ROBO1: variants seen among roughly 807,000 people sequenced by gnomAD.
The protein encoded by ROBO1 is roundabout guidance receptor 1, also known as roundabout homolog 1.
ROBO1 carries 149 observed loss-of-function variants against 195.9 expected under a neutral mutation model. The observed-to-expected ratio is 0.76, with a 90% CI of 0.67 to 0.87. ROBO1 has a LOEUF of 0.87. Among genes scored for constraint, ROBO1 ranks in the 40% least tolerant of loss-of-function variants. ROBO1 has a pLI of 0.00. For synonymous variants in ROBO1, 816 were observed against 733.2 expected (o/e 1.11, Z -1.82); for missense variants, 1,933 against 2,068.3 (o/e 0.93, Z 1.27).
intron 3 of ROBO1, among the ~76,000 whole-genome samples, chr3:78,981,982 T>TGCCACATCCA (rs1300485045): frequency 6.6e-6 from 1 of 152,106 alleles, no homozygotes; most frequent in Non-Finnish European, 1.5e-5. Flanking sequence ...TAAAAGTTGT[T>TGCCACATCCA]GCCACATCCA....
At chr3:78,723,374 C>T (rs921823607) in intron 5 of ROBO1, among the ~76,000 whole-genome samples, 3 of 152,016 alleles carry the variant, frequency 2.0e-5, no homozygotes, top group Admixed American at 1.3e-4. Context: ...CTATCATGGT[C>T]GCACACAATA....
intron 2 of ROBO1, among the ~76,000 whole-genome samples, chr3:79,375,481 TC>T (rs1431741564): frequency 6.6e-6 from 1 of 152,176 alleles, no homozygotes; most frequent in East Asian, 1.9e-4. Flanking sequence ...AAGGAAAATA[TC>T]TGTGTGTTAA....
chr3:78,678,002 A>T (rs1332389655), intron 10 of ROBO1, among the ~76,000 whole-genome samples: 15 of 151,986 alleles, frequency 9.9e-5, no homozygotes, highest in Non-Finnish European at 2.2e-4. Flanking sequence ...ATCAAACTAG[A>T]ACTCAGGATT....
At chr3:79,369,572 G>C (rs2036113152) in intron 2 of ROBO1, among the ~76,000 whole-genome samples, 1 of 152,144 alleles carries the variant, frequency 6.6e-6, no homozygotes, top group Non-Finnish European at 1.5e-5. Flanking sequence ...GTGGGTAAGA[G>C]AGCAAACTTC....
At chr3:78,622,927 C>T (rs1008683581) in intron 26 of ROBO1, among the ~76,000 whole-genome samples, 1 of 152,210 alleles carries the variant, frequency 6.6e-6, no homozygotes, top group Admixed American at 6.5e-5. Context: ...GGAAGTAGAT[C>T]TTCCATCCCC....
chr3:78,795,628 T>C (rs2084164058), intron 4 of ROBO1, among the ~76,000 whole-genome samples: 2 of 152,094 alleles, frequency 1.3e-5, no homozygotes, highest in South Asian at 4.1e-4. Context: ...TTAAGACATA[T>C]AAAAGGGAGT....
intron 4 of ROBO1, among the ~76,000 whole-genome samples, chr3:78,835,786 G>C (rs1235474079): frequency 1.3e-5 from 2 of 152,138 alleles, no homozygotes; most frequent in African/African-American, 4.8e-5. Context: ...TACAGCCATA[G>C]TCATATATTT....
Position 79,596,945 on chromosome 3 carries a change from A to G in ROBO1, c.-50-6984T>C, listed in dbSNP as rs895545050. Among the ~76,000 whole-genome samples the G allele has an allele frequency of 5.9e-4, 90 of 152,184 alleles. 2 individuals carry two copies. Among genetic ancestry groups the G allele is most frequent in the Admixed American group, 5.6e-3 (85 of 15,262 alleles). On this transcript the variant is annotated intron_variant, in intron 1 of 30. Coordinates refer to ENST00000464233, the MANE Select transcript of ROBO1 (RefSeq NM_002941.4). ...CATGTATGGTGAATGGACTCTTACA[A>G]ACAAGTCTAATTGGTGGAGAAAAAA...
intron 2 of ROBO1, among the ~76,000 whole-genome samples, chr3:79,173,581 G>A (rs1439755139): frequency 6.6e-6 from 1 of 152,076 alleles, no homozygotes; most frequent in Admixed American, 6.5e-5. Context: ...CTGGGGACCT[G>A]CAGCCCGCCA....
chr3:78,981,824 C>CAA (rs1553647939), intron 3 of ROBO1, among the ~76,000 whole-genome samples: 3 of 151,176 alleles, frequency 2.0e-5, no homozygotes, highest in Non-Finnish European at 3.0e-5. Context: ...CACACACACA[C>CAA]AAAAACACAC....
chr3:79,072,272 A>G (rs1314956539), intron 3 of ROBO1, among the ~76,000 whole-genome samples: 1 of 151,900 alleles, frequency 6.6e-6, no homozygotes, highest in Non-Finnish European at 1.5e-5. Context: ...CAGAGGTTCA[A>G]TTCATTGATC....
intron 3 of ROBO1, among the ~76,000 whole-genome samples, chr3:78,955,118 A>G (rs1248537527): frequency 6.9e-6 from 1 of 144,214 alleles, no homozygotes; most frequent in Non-Finnish European, 1.5e-5. Context: ...GGGGTTATAT[A>G]GGTAAACTGT....
chr3:78,836,356 C>T (rs940633528), intron 4 of ROBO1, among the ~76,000 whole-genome samples: 2 of 151,692 alleles, frequency 1.3e-5, no homozygotes, highest in Non-Finnish European at 1.5e-5. Flanking sequence ...ACTAAAAATA[C>T]AAAACATTAG....
chr3:79,313,407 G>A (rs577924998), intron 2 of ROBO1, among the ~76,000 whole-genome samples: 18 of 152,062 alleles, frequency 1.2e-4, no homozygotes, highest in South Asian at 2.1e-4. Context: ...CCCTTTGCAC[G>A]ATTAAGACTG....
chr3:78,976,291 G>A (rs944659766), intron 3 of ROBO1, among the ~76,000 whole-genome samples: 1 of 152,144 alleles, frequency 6.6e-6, no homozygotes, highest in Non-Finnish European at 1.5e-5. Flanking sequence ...GTTCAGACAG[G>A]AGCAGTTACC....
chr3:79,524,397 T>C (rs1450174746), intron 2 of ROBO1, among the ~76,000 whole-genome samples: 1 of 152,076 alleles, frequency 6.6e-6, no homozygotes, highest in Admixed American at 6.6e-5. Flanking sequence ...AGATTAAGCA[T>C]ACCTAGAAAG....
At chr3:79,451,651 T>A (rs538556470) in intron 2 of ROBO1, among the ~76,000 whole-genome samples, 2 of 152,238 alleles carry the variant, frequency 1.3e-5, no homozygotes, top group South Asian at 4.1e-4. Flanking sequence ...GATTGGATGA[T>A]CTATCTGTTT....
chr3:79,141,597 C>T (rs1376286855), intron 2 of ROBO1, among the ~76,000 whole-genome samples: 2 of 145,710 alleles, frequency 1.4e-5, no homozygotes, highest in Admixed American at 6.9e-5. Flanking sequence ...CTCTAGCTCT[C>T]ATTTGATTGC....
At position 79,156,379 on chromosome 3, in the gene ROBO1, C is replaced by A. The variant is rs187891402; in HGVS notation, c.89-30840G>T. 1.5e-3 allele frequency among the ~76,000 whole-genome samples: 226 copies of A among 151,720 alleles called. 1 individual carries two copies. The highest frequency in any genetic ancestry group is 5.3e-3 in the African/African-American group (218 of 41,436). ...GTATTTATTGGCTATAGATTAAACT[C>A]TTCAAGTGCAGAAATACATTTATTC... On this transcript the variant is annotated intron_variant, in intron 2 of 30. Coordinates refer to ENST00000464233, the MANE Select transcript of ROBO1 (RefSeq NM_002941.4).
Sources: allele counts gnomAD v4.1 joint callset (sites outside exome capture counted in the v4.1 genomes callset), GRCh38; gene constraint gnomAD v4.1.1; transcripts MANE v1.5; gene names NCBI Gene and HGNC (gene_info 2026-07-23, HGNC 2026-07-21).